The following PCDH11X variants were observed in gnomAD, a reference collection of about 807,000 sequenced individuals.
PCDH11X encodes protocadherin-11 X-linked.
A neutral mutation model predicts 53.3 loss-of-function variants in PCDH11X; 18 were observed. That is an observed-to-expected ratio of 0.34 (90% confidence interval 0.23 to 0.50). The LOEUF (loss-of-function observed/expected upper bound fraction) is 0.50, where lower values mean the gene tolerates loss of function less well. Ranked by LOEUF, PCDH11X falls within the 20% of genes least tolerant of loss-of-function variation. The probability of loss-of-function intolerance (pLI) is 0.98; values close to 1 mark genes in which losing one functional copy is unlikely to be tolerated. For missense variants in PCDH11X, 570 were observed against 1,032.4 expected (o/e 0.55, Z 6.14); for synonymous variants, 279 against 393.3 (o/e 0.71, Z 3.44).
chrX:92,592,527 C>G (rs1925137695), intron 10 of PCDH11X, among the ~76,000 whole-genome samples: 1 of 108,765 alleles, frequency 9.2e-6, no homozygotes, highest in Non-Finnish European at 1.9e-5. Flanking sequence ...GTCAGGAGAT[C>G]GAGACCATCC....
At chrX:92,278,812 T>G (rs1488351698) in intron 8 of PCDH11X, among the ~76,000 whole-genome samples, 2 of 97,037 alleles carry the variant, frequency 2.1e-5, no homozygotes, top group Non-Finnish European at 4.1e-5. Context: ...TTCAGTTTTT[T>G]TTTTTTTTTT....
chrX:92,241,451 C>T (rs1212452181), intron 7 of PCDH11X, among the ~76,000 whole-genome samples: 1 of 112,067 alleles, frequency 8.9e-6, no homozygotes, highest in African/African-American at 3.2e-5. Flanking sequence ...GAAAGGTATG[C>T]TGCAATGAAG....
intron 6 of PCDH11X, among the ~76,000 whole-genome samples, chrX:92,148,023 C>T (rs1271864030): frequency 3.9e-4 from 29 of 75,024 alleles, no homozygotes; most frequent in African/African-American, 1.7e-3. Context: ...TTCCTTCCTT[C>T]CTTCCTTTCC....
At chrX:91,788,571 G>A (rs1159820560) in intron 1 of PCDH11X, among the ~76,000 whole-genome samples, 1 of 112,031 alleles carries the variant, frequency 8.9e-6, no homozygotes. Context: ...AAGATTTTGA[G>A]TGCATTCTCT....
intron 10 of PCDH11X, among the ~76,000 whole-genome samples, chrX:92,525,749 A>G (rs1316740609): frequency 4.5e-5 from 5 of 111,363 alleles, no homozygotes; most frequent in Non-Finnish European, 9.4e-5. Flanking sequence ...TACAAATATT[A>G]TAACGATATC....
chrX:92,328,161 T>G (rs1368412503), intron 8 of PCDH11X, among the ~76,000 whole-genome samples: 1 of 111,215 alleles, frequency 9.0e-6, no homozygotes, highest in Non-Finnish European at 1.9e-5. Context: ...ATAGTTACTA[T>G]TGCCTTAGCT....
chrX:92,399,939 G>C (rs1408036732), intron 9 of PCDH11X, among the ~76,000 whole-genome samples: 3 of 104,178 alleles, frequency 2.9e-5, no homozygotes, highest in African/African-American at 1.1e-4. Context: ...TTTTAGTAGA[G>C]ATAGTGTTTC....
At chrX:92,050,143 A>G (rs998398288) in intron 6 of PCDH11X, among the ~76,000 whole-genome samples, 1 of 110,983 alleles carries the variant, frequency 9.0e-6, no homozygotes, top group Non-Finnish European at 1.9e-5. Flanking sequence ...ATTGACATAT[A>G]CATACCAATA....
At chrX:91,823,469 CTG>C (rs1275431292) in intron 4 of PCDH11X, among the ~76,000 whole-genome samples, 1 of 111,070 alleles carries the variant, frequency 9.0e-6, no homozygotes, top group East Asian at 2.8e-4. Context: ...GGTTTAAAGT[CTG>C]TTTTATCAGA....
intron 7 of PCDH11X, among the ~76,000 whole-genome samples, chrX:92,204,957 G>C (rs750475768): frequency 1.1e-4 from 12 of 111,616 alleles, no homozygotes; most frequent in African/African-American, 1.6e-4. Flanking sequence ...CATGAGAACA[G>C]CATGGGGTAA....
rs1926343536 is a variant in PCDH11X at position 92,602,403 on chromosome X, C to T, written c.3368-15861C>T. On this transcript the variant is annotated intron_variant, in intron 10 of 10. Coordinates refer to ENST00000682573, the MANE Select transcript of PCDH11X (RefSeq NM_032968.5). Reference sequence around the variant, plus strand: ...GAGAAAAAGCCCGCTTGGGTCAGAACCAACATCCAAATGTTGCCTTAAAGA... The same window carrying T: ...GAGAAAAAGCCCGCTTGGGTCAGAATCAACATCCAAATGTTGCCTTAAAGA... 3.6e-5 allele frequency among the ~76,000 whole-genome samples: 4 copies of T among 112,606 alleles called. No homozygotes were observed. The South Asian group carries it at 1.5e-3, about 41-fold the overall frequency.
chrX:92,301,934 T>G (rs1287092033), intron 8 of PCDH11X, among the ~76,000 whole-genome samples: 1 of 111,514 alleles, frequency 9.0e-6, no homozygotes, highest in Non-Finnish European at 1.9e-5. Context: ...GTGATTCTCC[T>G]GCTTTAGGAG....
At chrX:92,577,002 G>A (rs1923065835) in intron 10 of PCDH11X, among the ~76,000 whole-genome samples, 1 of 109,213 alleles carries the variant, frequency 9.2e-6, no homozygotes, top group African/African-American at 3.3e-5. Flanking sequence ...GGCAGTTCTG[G>A]TATTTATTAT....
intron 6 of PCDH11X, among the ~76,000 whole-genome samples, chrX:92,132,659 ATATATATATGTATATG>A (rs1569376724): frequency 1.8e-5 from 1 of 55,896 alleles, no homozygotes; most frequent in East Asian, 9.6e-4. Context: ...ATATATATGT[ATATATATATGTATATG>A]TATATATATA....
Position 92,621,498 on chromosome X carries a change from A to C in PCDH11X, c.*2558A>C, listed in dbSNP as rs903340716. The stretch of plus-strand genomic sequence containing the variant: ...GCACCCTCTTCTTGGTTTTTACCAG[A>C]GAGGCTTTGAATGGAAGCAGGCTGA... On this transcript the variant is annotated 3_prime_UTR_variant, in exon 11 of 11. Coordinates refer to ENST00000682573, the MANE Select transcript of PCDH11X (RefSeq NM_032968.5). 1 of 109,991 alleles carries C rather than the reference A, an allele frequency of 9.1e-6. No individual in the cohort carries two copies. Among genetic ancestry groups the C allele is most frequent in the Admixed American group, 9.8e-5 (1 of 10,214 alleles). The allele number at this position is 109,991 out of a possible 1,213,427, so 9.1% of individuals were successfully genotyped here. A position where few individuals can be genotyped will look rare whatever the true frequency, so the allele number is the denominator to read the frequency against.
chrX:92,226,333 T>A (rs778458511), intron 7 of PCDH11X, among the ~76,000 whole-genome samples: 12 of 111,522 alleles, frequency 1.1e-4, no homozygotes, highest in Non-Finnish European at 2.3e-4. Flanking sequence ...AAAAAGGGTA[T>A]AATTTAATGT....
chrX:91,974,392 G>C (rs1448975891), intron 6 of PCDH11X, among the ~76,000 whole-genome samples: 6 of 111,760 alleles, frequency 5.4e-5, no homozygotes, highest in Non-Finnish European at 1.1e-4. Context: ...GGTTGTGACT[G>C]TTTTGTAAGT....
chrX:92,353,372 G>A (rs2070106210), intron 8 of PCDH11X, among the ~76,000 whole-genome samples: 1 of 111,739 alleles, frequency 8.9e-6, no homozygotes, highest in Admixed American at 9.5e-5. Flanking sequence ...GCAATCGCAG[G>A]TCAACTGTTC....
At chrX:92,280,419 G>A (rs960020022) in intron 8 of PCDH11X, among the ~76,000 whole-genome samples, 5 of 109,598 alleles carry the variant, frequency 4.6e-5, no homozygotes, top group African/African-American at 6.6e-5. Context: ...GTGGTGGTGC[G>A]CATCTGTAAT....
Sources: gnomAD v4.1 joint callset for allele counts (sites outside exome capture counted in the v4.1 genomes callset) on GRCh38, gnomAD v4.1.1 for gene constraint, MANE v1.5 for transcripts, NCBI Gene and HGNC (gene_info 2026-07-23, HGNC 2026-07-21) for gene names.